The following FAM83E variants were observed in gnomAD, a reference collection of about 807,000 sequenced individuals.
FAM83E encodes the protein scaffolding CK1 anchoring protein E.
A neutral mutation model predicts 34.3 loss-of-function variants in FAM83E; 29 were observed. The observed-to-expected ratio is 0.85, with a 90% CI of 0.63 to 1.15. The LOEUF (loss-of-function observed/expected upper bound fraction) is 1.15. FAM83E is among the 50% of genes most tolerant of loss of function. The probability of loss-of-function intolerance (pLI) is 0.00; values close to 1 mark genes in which losing one functional copy is unlikely to be tolerated. For synonymous variants in FAM83E, 312 were observed against 311.6 expected, an observed-to-expected ratio of 1.00 and a Z score of -0.01; for missense variants, 697 against 685.0, an observed-to-expected ratio of 1.02 and a Z score of -0.20.
Position 48,612,984 on chromosome 19 carries a change from A to G in FAM83E, c.389T>C (p.Leu130Pro). The change falls in exon 3 of 7, where the codon CTG (leucine) becomes CCG (proline). Residue 130 changes from leucine to proline, a missense_variant. Physicochemically the swap from Leu to Pro is moderately conservative, Grantham distance 98. Transcript: ENST00000263266. ...ACCCTCTCCAGGAGGCTGGGTGTAC[A>G]GCTGCGCCCGGGTGATGCCTTTCCA... The part of the protein sequence containing the change: ...SAWKGITRAQ[L>P]YTQPPGEGQP... 3.7e-6 allele frequency: 6 copies of G among 1,603,598 alleles called. No individual in the cohort carries two copies. Among genetic ancestry groups the G allele is most frequent in the Non-Finnish European group, 5.1e-6 (6 of 1,176,150 alleles).
chr19:48,607,218 G>T, intron 5 of FAM83E: 1 of 1,613,076 alleles, frequency 6.2e-7, no homozygotes, highest in Non-Finnish European at 8.5e-7. Context: ...TCAGCTACAG[G>T]GGCGTCACCT....
intron 5 of FAM83E, chr19:48,607,715 G>T: frequency 4.6e-6 from 1 of 217,148 alleles, no homozygotes; most frequent in Admixed American, 5.3e-5. Context: ...TGTTCATGGA[G>T]CATTCTTTGT....
At chr19:48,602,825 TTTATTATTATTATTATTATTATTA>T (rs201384936) in intron 6 of FAM83E, among the ~76,000 whole-genome samples, 5 of 113,994 alleles carry the variant, frequency 4.4e-5, no homozygotes, top group African/African-American at 1.7e-4. Flanking sequence ...TTATTTATTG[TTTATTATTATTATTATTATTATTA>T]TTATTATTAT....
rs930187640 is a variant in FAM83E at position 48,600,230 on chromosome 19, C to G, written c.*879G>C. Among the ~76,000 whole-genome samples, 5 of 152,224 alleles carry G rather than the reference C, an allele frequency of 3.3e-5. No homozygotes were observed. Among genetic ancestry groups the G allele is most frequent in the Non-Finnish European group, 7.3e-5 (5 of 68,044 alleles). On this transcript the variant is annotated 3_prime_UTR_variant, in exon 7 of 7. Coordinates refer to ENST00000263266, the MANE Select transcript of FAM83E (RefSeq NM_017708.4). ...GGGCCCCTCATCAGGAAGGCCTGAC[C>G]CTCGGGAGCTGTGTGTGTCTTCTTT... is the stretch of plus-strand genomic sequence containing the variant.
In FAM83E at chr19:48,614,067, C is replaced by A; in HGVS notation, c.-695G>T. The stretch of plus-strand genomic sequence containing the variant: ...CGAGTTTCTCCTGCTCATCAGCTCT[C>A]ACCCGCAGACCAGCCAGGATGCCTC... On this transcript the variant is annotated 5_prime_UTR_variant, in exon 3 of 7. Transcript: ENST00000263266. 1.0e-6 allele frequency: 1 copy of A among 985,734 alleles called. No homozygotes were observed. 61.1% of individuals were successfully genotyped at this position (985,734 alleles called of 1,614,324 possible).
At position 48,613,925 on chromosome 19, in the gene FAM83E, A is replaced by T; in HGVS notation, c.-553T>A. On this transcript the variant is annotated 5_prime_UTR_variant, in exon 3 of 7. Transcript: ENST00000263266. ...GGTTGCCTGCCTGCCCCCGGCCAAGAGCACGACGAACTGACCCTCTCCTTC... is the reference window on the plus strand; with the variant it reads ...GGTTGCCTGCCTGCCCCCGGCCAAGTGCACGACGAACTGACCCTCTCCTTC... 1 of 985,208 alleles carries T rather than the reference A, an allele frequency of 1.0e-6. No homozygotes were observed. Among genetic ancestry groups the T allele is most frequent in the South Asian group, 4.7e-5 (1 of 21,270 alleles). The allele number at this position is 985,208 out of a possible 1,614,324, so 61.0% of individuals were successfully genotyped here.
chr19:48,603,649 C>T lies in FAM83E; in HGVS notation c.1021G>A (p.Val341Ile), dbSNP rs750954679. The change falls in exon 6 of 7, where the codon GTC becomes ATC. Residue 341 changes from valine to isoleucine, a missense_variant. By Grantham distance (29) the Val-to-Ile change is conservative (BLOSUM62 3). Coordinates refer to ENST00000263266, the MANE Select transcript of FAM83E (RefSeq NM_017708.4). The part of the protein sequence containing the change: ...PLAHRLAACR[V>I]SPATPGPALS... ...GCCGGCCCCGGGGTAGCAGGGGAGA[C>T]GCGGCAGGCGGCCAGGCGGTGGGCC... 3.8e-6 allele frequency: 5 copies of T among 1,331,752 alleles called. No homozygotes were observed. In the Admixed American group the frequency reaches 1.0e-4, roughly 27 times the overall value. 82.5% of individuals were successfully genotyped at this position (1,331,752 alleles called of 1,614,324 possible). A position where few individuals can be genotyped will look rare whatever the true frequency, so the allele number is the denominator to read the frequency against.
chr19:48,606,438 G>T (rs1037500681), intron 5 of FAM83E, among the ~76,000 whole-genome samples: 1 of 139,422 alleles, frequency 7.2e-6, no homozygotes, highest in African/African-American at 2.9e-5. Context: ...CTGGCTCGGG[G>T]ACCCTGGATA....
intron 3 of FAM83E, 82 bp downstream of exon 3, chr19:48,612,826 A>T: frequency 2.1e-6 from 3 of 1,430,838 alleles, no homozygotes; most frequent in Non-Finnish European, 2.8e-6. Flanking sequence ...GTGCGCTTGC[A>T]AGTCCCAGGA....
In FAM83E at chr19:48,614,149, A is replaced by ACAGTCACAGTAT; in HGVS notation, c.-778_-777insATACTGTGACTG. 1 of 985,650 alleles carries ACAGTCACAGTAT rather than the reference A, an allele frequency of 1.0e-6. No individual in the cohort carries two copies. The highest frequency in any genetic ancestry group is 1.2e-6 in the Non-Finnish European group (1 of 830,210). 61.1% of individuals were successfully genotyped at this position (985,650 alleles called of 1,614,324 possible). A position where few individuals can be genotyped will look rare whatever the true frequency, so the allele number is the denominator to read the frequency against. The stretch of plus-strand genomic sequence containing the variant: ...CCGAAGGCTTGGCAAACCCTTCCCT[A>ACAGTCACAGTAT]CCCTGTCAATGGGGGACCCTGCTCC... On this transcript the variant is annotated 5_prime_UTR_variant, in exon 3 of 7. Coordinates refer to ENST00000263266, the MANE Select transcript of FAM83E (RefSeq NM_017708.4).
chr19:48,612,774 C>T, intron 3 of FAM83E, 134 bp downstream of exon 3: 2 of 1,012,206 alleles, frequency 2.0e-6, no homozygotes, highest in Admixed American at 5.9e-5. Flanking sequence ...GGAAGGTGTG[C>T]ACTCCTGGGT....
At chr19:48,610,105 G>T in intron 4 of FAM83E, 105 bp from the exon 5 acceptor site, 1 of 1,448,094 alleles carries the variant, frequency 6.9e-7, no homozygotes, top group Non-Finnish European at 9.3e-7. Flanking sequence ...CTCCATAGAA[G>T]TATCTGTCCA....
intron 3 of FAM83E, among the ~76,000 whole-genome samples, chr19:48,611,644 T>C (rs906337612): frequency 6.6e-6 from 1 of 152,148 alleles, no homozygotes; most frequent in African/African-American, 2.4e-5. Flanking sequence ...ATTTTTGTAT[T>C]TTTAGTAGAG....
rs1004897455 is a variant in FAM83E, at chr19:48,600,930, G to C, written c.*179C>G. The C allele has an allele frequency of 1.2e-5, 16 of 1,363,874 alleles. No individual in the cohort carries two copies. The highest frequency in any genetic ancestry group is 1.2e-5 in the Non-Finnish European group (13 of 1,045,270). The allele number at this position is 1,363,874 out of a possible 1,614,324, so 84.5% of individuals were successfully genotyped here. On this transcript the variant is annotated 3_prime_UTR_variant, in exon 7 of 7. Coordinates refer to ENST00000263266, the MANE Select transcript of FAM83E (RefSeq NM_017708.4). ...AGCCTCCCAAAGTGCAGGGATTACA[G>C]GCATGAGCCACCACTCCCGGCCCAA...
chr19:48,612,181 C>T (rs989010301), intron 3 of FAM83E, among the ~76,000 whole-genome samples: 6 of 152,128 alleles, frequency 3.9e-5, no homozygotes, highest in Non-Finnish European at 5.9e-5. Context: ...AGAAACCCTT[C>T]ACGTGGGAGC....
rs1327666251 is a variant in FAM83E at position 48,614,963 on chromosome 19, C to T, written c.-1414G>A. The T allele has an allele frequency of 2.5e-5, 6 of 235,732 alleles. No individual in the cohort carries two copies. The highest frequency in any genetic ancestry group is 3.6e-5 in the Non-Finnish European group (5 of 139,942). 14.6% of individuals were successfully genotyped at this position (235,732 alleles called of 1,614,324 possible). A position where few individuals can be genotyped will look rare whatever the true frequency, so the allele number is the denominator to read the frequency against. ...TGTGCTCTCCCAGGGGGTGAACGCCCCTCTAGACTCAGGCTTCCCGGTCCC... is the reference window on the plus strand; with the variant it reads ...TGTGCTCTCCCAGGGGGTGAACGCCTCTCTAGACTCAGGCTTCCCGGTCCC... On this transcript the variant is annotated 5_prime_UTR_variant, in exon 1 of 7. Transcript: ENST00000263266.
intron 6 of FAM83E, among the ~76,000 whole-genome samples, chr19:48,601,835 G>A (rs1009327059): frequency 1.3e-5 from 2 of 149,592 alleles, no homozygotes; most frequent in South Asian, 4.2e-4. Context: ...GGAAGGGAGG[G>A]AAGAGAGGAG....
rs1974094197 is a variant in FAM83E, at chr19:48,613,772, CCAGT to C, written c.-404_-401del. 1 of 985,408 alleles carries C rather than the reference CCAGT, an allele frequency of 1.0e-6. No individual in the cohort carries two copies. The highest frequency in any genetic ancestry group is 1.2e-6 in the Non-Finnish European group (1 of 829,932). 61.0% of individuals were successfully genotyped at this position (985,408 alleles called of 1,614,324 possible). A position where few individuals can be genotyped will look rare whatever the true frequency, so the allele number is the denominator to read the frequency against. The stretch of plus-strand genomic sequence containing the variant: ...CAGCCACACGACAGCCTCCAACCCA[CCAGT>C]CACACAGTGCCCAGTCAGACCCTTC... On this transcript the variant is annotated 5_prime_UTR_variant, in exon 3 of 7. Coordinates refer to ENST00000263266, the MANE Select transcript of FAM83E (RefSeq NM_017708.4).
At chr19:48,603,038 G>A (rs1184097653) in intron 6 of FAM83E, among the ~76,000 whole-genome samples, 2 of 151,158 alleles carry the variant, frequency 1.3e-5, no homozygotes, top group Non-Finnish European at 2.9e-5. Context: ...ATTTTTAGTA[G>A]AGATAGGGTT....
Sources: gnomAD v4.1 joint callset for allele counts (sites outside exome capture counted in the v4.1 genomes callset) on GRCh38, gnomAD v4.1.1 for gene constraint, MANE v1.5 for transcripts, NCBI Gene and HGNC (gene_info 2026-07-23, HGNC 2026-07-21) for gene names.